The following FAM83F variants were observed in gnomAD, a reference collection of about 807,000 sequenced individuals.
FAM83F encodes the protein scaffolding CK1 anchoring protein F, also known as protein FAM83F.
In FAM83F, 45 loss-of-function variants were observed where a neutral mutation model predicts 42.9. That is an observed-to-expected ratio of 1.05 (90% CI 0.83 to 1.35). The LOEUF is 1.35. Among genes scored for constraint, FAM83F ranks in the 40% most tolerant of loss-of-function variants. FAM83F has a pLI of 0.00. For synonymous variants in FAM83F, 306 were observed against 298.3 expected (o/e 1.03, Z -0.27); for missense variants, 617 against 695.9 (o/e 0.89, Z 1.28).
intron 1 of FAM83F, among the ~76,000 whole-genome samples, chr22:40,017,994 C>T (rs2067500782): frequency 6.6e-6 from 1 of 152,212 alleles, no homozygotes; most frequent in Non-Finnish European, 1.5e-5. Flanking sequence ...ATAAGAAAGC[C>T]TTCAGCTGGA....
intron 1 of FAM83F, among the ~76,000 whole-genome samples, chr22:39,999,705 C>T (rs970081473): frequency 6.6e-6 from 1 of 152,184 alleles, no homozygotes; most frequent in Non-Finnish European, 1.5e-5. Context: ...GTAAACACAA[C>T]GTAGGAGAGG....
intron 3 of FAM83F, among the ~76,000 whole-genome samples, chr22:40,020,436 C>T (rs1292992539): frequency 1.4e-5 from 2 of 147,496 alleles, no homozygotes; most frequent in Non-Finnish European, 1.5e-5. Context: ...GATCTCGGCT[C>T]ACTGCAACCT....
intron 1 of FAM83F, among the ~76,000 whole-genome samples, chr22:40,011,325 C>G (rs549493640): frequency 1.3e-5 from 2 of 152,268 alleles, no homozygotes; most frequent in African/African-American, 2.4e-5. Context: ...CCTGGGATTA[C>G]AGGTGTGCGC....
chr22:40,018,595 C>T (rs568037147), intron 1 of FAM83F, among the ~76,000 whole-genome samples: 6 of 148,738 alleles, frequency 4.0e-5, no homozygotes, highest in East Asian at 1.9e-4. Context: ...CCTGCCACCA[C>T]GCCTGGCTAA....
chr22:40,010,579 G>A (rs1284152629), intron 1 of FAM83F, among the ~76,000 whole-genome samples: 2 of 152,214 alleles, frequency 1.3e-5, no homozygotes, highest in Non-Finnish European at 2.9e-5. Flanking sequence ...AGGCAGGTGG[G>A]GCTAGGACAG....
rs2067634116 is a variant in FAM83F at position 40,037,857 on chromosome 22, A to ATGTTGT, written c.*8292_*8293insTGTTGT. 1.3e-5 allele frequency: 2 copies of ATGTTGT among 152,150 alleles called. No homozygotes were observed. The allele number at this position is 152,150 out of a possible 1,614,324, so 9.4% of individuals were successfully genotyped here. A position where few individuals can be genotyped will look rare whatever the true frequency, so the allele number is the denominator to read the frequency against. On this transcript the variant is annotated 3_prime_UTR_variant, in exon 5 of 5. Transcript: ENST00000333407. ...CTCAGCCTCCCAAGTAGCTGGGACTACAGGCATGCACCACCCTGCCCAGCT... is the reference window on the plus strand; with the variant it reads ...CTCAGCCTCCCAAGTAGCTGGGACTATGTTGTCAGGCATGCACCACCCTGCCCAGCT...
At position 40,040,356 on chromosome 22, in the gene FAM83F, A is replaced by G. The variant is rs986484473; in HGVS notation, c.*10791A>G. The stretch of plus-strand genomic sequence containing the variant: ...CCATTTTCCTATCTAGAAAATGTGG[A>G]TAACAATGGTTGTTGTGAAGATTAA... On this transcript the variant is annotated 3_prime_UTR_variant, in exon 5 of 5. Coordinates refer to ENST00000333407, the MANE Select transcript of FAM83F (RefSeq NM_138435.4). 1 of 152,224 alleles carries G rather than the reference A, an allele frequency of 6.6e-6. No individual in the cohort carries two copies. The highest frequency in any genetic ancestry group is 1.5e-5 in the Non-Finnish European group (1 of 68,036). 9.4% of individuals were successfully genotyped at this position (152,224 alleles called of 1,614,324 possible).
intron 1 of FAM83F, among the ~76,000 whole-genome samples, chr22:40,018,010 G>T (rs555020919): frequency 6.4e-4 from 97 of 152,340 alleles, no homozygotes; most frequent in African/African-American, 2.3e-3. Flanking sequence ...CTGGAGCGTG[G>T]AGCATGGTTT....
rs753117885 is a variant in FAM83F, at chr22:40,021,669, C to G, written c.1159C>G (p.Pro387Ala). The G allele has an allele frequency of 8.7e-6, 14 of 1,610,364 alleles. No individual in the cohort carries two copies. Residue 387 changes from proline (P) to alanine (A), a missense_variant, in exon 4 of 5, where the codon CCC becomes GCC. Coordinates refer to ENST00000333407, the MANE Select transcript of FAM83F (RefSeq NM_138435.4). The surrounding 1 kb of genome is among the most constrained non-coding windows in gnomAD (Gnocchi z 8.7). ...GGTTACGGTGGAGCAGGTGCTGCCCCCCGTGGAGCCCATCCCCTTGGGAGA... is the reference window on the plus strand; with the variant it reads ...GGTTACGGTGGAGCAGGTGCTGCCCGCCGTGGAGCCCATCCCCTTGGGAGA... Reference protein sequence around the residue: ...DLVTVEQVLPPVEPIPLGELS... With the variant: ...DLVTVEQVLPAVEPIPLGELS...
intron 1 of FAM83F, among the ~76,000 whole-genome samples, chr22:40,007,584 CCTCCTCTCTTCTCCTCCTCCTCTCTT>C (rs1569231184): frequency 6.7e-5 from 6 of 89,670 alleles, no homozygotes; most frequent in Non-Finnish European, 1.4e-4. Flanking sequence ...CTCCTCTCCT[CCTCCTCTCTTCTCCTCCTCCTCTCTT>C]CTCCTCTCTT....
chr22:40,026,651 T>A (rs2067554800), intron 4 of FAM83F, among the ~76,000 whole-genome samples: 2 of 152,208 alleles, frequency 1.3e-5, no homozygotes, highest in African/African-American at 4.8e-5. Flanking sequence ...CCAGAGTGCC[T>A]CGGGGTCCTT....
In FAM83F at chr22:40,032,560, CTTTTT is replaced by C. The variant is rs869170975; in HGVS notation, c.*3003_*3007del. On this transcript the variant is annotated 3_prime_UTR_variant, in exon 5 of 5. Transcript: ENST00000333407. ...CCAAAGAGGGGAAAGTGGGCTATTT[CTTTTT>C]TTTTTTTCTTTTTTTTTTCTGAGAC... 2.1e-5 allele frequency: 3 copies of C among 144,744 alleles called. No homozygotes were observed. Among genetic ancestry groups the C allele is most frequent in the Admixed American group, 6.9e-5 (1 of 14,412 alleles). 9.0% of individuals were successfully genotyped at this position (144,744 alleles called of 1,614,324 possible).
rs1463150518 is a variant in FAM83F at position 40,042,787 on chromosome 22, T to C, written c.*13222T>C. 1 of 152,204 alleles carries C rather than the reference T, an allele frequency of 6.6e-6. No homozygotes were observed. The highest frequency in any genetic ancestry group is 1.5e-5 in the Non-Finnish European group (1 of 68,026). The allele number at this position is 152,204 out of a possible 1,614,324, so 9.4% of individuals were successfully genotyped here. A position where few individuals can be genotyped will look rare whatever the true frequency, so the allele number is the denominator to read the frequency against. Reference sequence around the variant, plus strand: ...CCATCTGCTTCAAGGTACTTACAACTGAAATGTATCAAACAATTACCCAGA... The same window carrying C: ...CCATCTGCTTCAAGGTACTTACAACCGAAATGTATCAAACAATTACCCAGA... On this transcript the variant is annotated 3_prime_UTR_variant, in exon 5 of 5. Coordinates refer to ENST00000333407, the MANE Select transcript of FAM83F (RefSeq NM_138435.4).
intron 4 of FAM83F, among the ~76,000 whole-genome samples, chr22:40,022,492 G>T (rs2145721114): frequency 6.6e-6 from 1 of 152,216 alleles, no homozygotes; most frequent in African/African-American, 2.4e-5. Context: ...GTACCCTACT[G>T]GTGCCCTGAC....
At chr22:40,027,162 G>A (rs149524958) in intron 4 of FAM83F, among the ~76,000 whole-genome samples, 3 of 152,218 alleles carry the variant, frequency 2.0e-5, no homozygotes, top group African/African-American at 7.2e-5. Context: ...GCCAGGGAAG[G>A]CCTCTCTAAC....
intron 1 of FAM83F, among the ~76,000 whole-genome samples, chr22:40,010,919 T>C (rs1012648599): frequency 1.3e-5 from 2 of 152,192 alleles, no homozygotes; most frequent in African/African-American, 4.8e-5. Context: ...ATACCTGCCC[T>C]GAACTGTGCC....
chr22:40,017,898 G>A (rs1395332918), intron 1 of FAM83F, among the ~76,000 whole-genome samples: 1 of 152,222 alleles, frequency 6.6e-6, no homozygotes. Context: ...CAACTAGGAA[G>A]TGGGGGATCC....
chr22:40,000,361 G>T (rs2145706996), intron 1 of FAM83F, among the ~76,000 whole-genome samples: 1 of 152,296 alleles, frequency 6.6e-6, no homozygotes, highest in Non-Finnish European at 1.5e-5. Flanking sequence ...GGTGGGAGGA[G>T]GATATGGTGA....
chr22:40,007,856 A>G (rs1318438591), intron 1 of FAM83F, among the ~76,000 whole-genome samples: 1 of 152,124 alleles, frequency 6.6e-6, no homozygotes, highest in Non-Finnish European at 1.5e-5. Flanking sequence ...AGTCTTGGTG[A>G]CAGTCTTTGC....
Sources: gnomAD v4.1 joint callset for allele counts (sites outside exome capture counted in the v4.1 genomes callset) on GRCh38, gnomAD v4.1.1 for gene constraint, Gnocchi (gnomAD v3.1) non-coding constraint, MANE v1.5 for transcripts, NCBI Gene and HGNC (gene_info 2026-07-23, HGNC 2026-07-21) for gene names.